HIP1: variants seen among roughly 807,000 people sequenced by gnomAD.
The protein encoded by HIP1 is huntingtin interacting protein 1.
A neutral mutation model predicts 147.6 loss-of-function variants in HIP1; 65 were observed. The ratio of observed to expected loss-of-function variants is 0.44; its 90% CI spans 0.36 to 0.54. HIP1 has a LOEUF of 0.54. Ranked by LOEUF, HIP1 falls within the 20% of genes least tolerant of loss-of-function variation. The pLI, the probability that HIP1 is intolerant of heterozygous loss-of-function variation, is 0.00. For missense variants in HIP1, 1,061 were observed against 1,299.6 expected (o/e 0.82, Z 2.82); for synonymous variants, 479 against 504.0 (o/e 0.95, Z 0.67).
chr7:75,712,114 C>A (rs1162738127), intron 1 of HIP1, among the ~76,000 whole-genome samples: 1 of 152,186 alleles, frequency 6.6e-6, no homozygotes, highest in African/African-American at 2.4e-5. Flanking sequence ...AACATTGACA[C>A]CTCACCGTCG....
At chr7:75,573,598 G>C (rs1379030116) in intron 8 of HIP1, among the ~76,000 whole-genome samples, 163 bp downstream of exon 8, 2 of 152,202 alleles carry the variant, frequency 1.3e-5, no homozygotes, top group East Asian at 1.9e-4. Context: ...CCTGGGCCCT[G>C]CTCTTTTATC....
intron 1 of HIP1, among the ~76,000 whole-genome samples, chr7:75,697,640 C>A (rs1261673023): frequency 1.3e-5 from 2 of 151,994 alleles, no homozygotes; most frequent in African/African-American, 4.8e-5. Flanking sequence ...TAGTAAAACC[C>A]ATCTCTACTA....
chr7:75,584,791 T>G (rs1168285075), intron 5 of HIP1, among the ~76,000 whole-genome samples: 1 of 152,038 alleles, frequency 6.6e-6, no homozygotes, highest in Non-Finnish European at 1.5e-5. Flanking sequence ...CCTCCTTTCT[T>G]TCCTTTTCCA....
At chr7:75,583,477 G>T (rs1451633215) in intron 5 of HIP1, among the ~76,000 whole-genome samples, 2 of 152,104 alleles carry the variant, frequency 1.3e-5, no homozygotes, top group Non-Finnish European at 2.9e-5. Context: ...AGTTCTCGAG[G>T]CCAGGGAGTT....
At chr7:75,586,411 A>T (rs1402797302) in intron 5 of HIP1, among the ~76,000 whole-genome samples, 2 of 152,100 alleles carry the variant, frequency 1.3e-5, no homozygotes, top group Admixed American at 1.3e-4. Context: ...CATGTTGTCC[A>T]GGCCAGTCTT....
intron 1 of HIP1, among the ~76,000 whole-genome samples, chr7:75,628,556 C>G (rs1331744284): frequency 6.7e-6 from 1 of 150,142 alleles, no homozygotes; most frequent in African/African-American, 2.5e-5. Flanking sequence ...TCGGCTCACT[C>G]CAACCTCTGC....
At chr7:75,585,110 A>C (rs1796204607) in intron 5 of HIP1, among the ~76,000 whole-genome samples, 1 of 150,586 alleles carries the variant, frequency 6.6e-6, no homozygotes, top group African/African-American at 2.4e-5. Flanking sequence ...TTGGCCTTCC[A>C]TTGTGTGGAG....
At chr7:75,597,126 A>G (rs1796776627) in intron 2 of HIP1, among the ~76,000 whole-genome samples, 1 of 152,162 alleles carries the variant, frequency 6.6e-6, no homozygotes, top group African/African-American at 2.4e-5. Flanking sequence ...GGAAAAAAAG[A>G]GCAAGATCTA....
chr7:75,669,405 A>T (rs1799669633), intron 1 of HIP1, among the ~76,000 whole-genome samples: 1 of 151,316 alleles, frequency 6.6e-6, no homozygotes, highest in Non-Finnish European at 1.5e-5. Flanking sequence ...CAAAAAAACA[A>T]CAAAAAAATT....
intron 7 of HIP1, among the ~76,000 whole-genome samples, chr7:75,574,885 T>C (rs1457917371): frequency 1.3e-5 from 2 of 152,042 alleles, no homozygotes; most frequent in African/African-American, 4.8e-5. Context: ...CTCAGCCAGG[T>C]GCAGTGGCTC....
intron 1 of HIP1, among the ~76,000 whole-genome samples, chr7:75,621,897 G>C (rs1797857702): frequency 6.6e-6 from 1 of 152,158 alleles, no homozygotes; most frequent in South Asian, 2.1e-4. Context: ...TGGGAGAGTT[G>C]GTTTGGGGCT....
chr7:75,570,538 A>G (rs1436310740), intron 8 of HIP1, among the ~76,000 whole-genome samples: 39 of 132,652 alleles, frequency 2.9e-4, no homozygotes, highest in Middle Eastern at 0.011. Context: ...TGATCCGCCC[A>G]CCTCGGCCTC....
At chr7:75,602,953 G>C (rs1797063028) in intron 1 of HIP1, among the ~76,000 whole-genome samples, 1 of 151,932 alleles carries the variant, frequency 6.6e-6, no homozygotes, top group Non-Finnish European at 1.5e-5. Flanking sequence ...GGGATCCAGA[G>C]ACACACAGGG....
At chr7:75,578,003 A>AAAAC (rs1370514845) in intron 7 of HIP1, among the ~76,000 whole-genome samples, 3 of 152,174 alleles carry the variant, frequency 2.0e-5, no homozygotes, top group African/African-American at 7.2e-5. Flanking sequence ...CTCTCAAAAC[A>AAAAC]AAACAAACAA....
At chr7:75,539,232 TC>T in intron 30 of HIP1, 90 bp downstream of exon 30, 1 of 865,168 alleles carries the variant, frequency 1.2e-6, no homozygotes, top group Non-Finnish European at 1.9e-6. Context: ...TCTGGTGGGT[TC>T]CTTGTTCTGT....
At chr7:75,648,570 G>A (rs1401751489) in intron 1 of HIP1, among the ~76,000 whole-genome samples, 3 of 152,118 alleles carry the variant, frequency 2.0e-5, no homozygotes, top group South Asian at 2.1e-4. Context: ...TTTCAAGCAC[G>A]GCTGAGCCAT....
intron 1 of HIP1, among the ~76,000 whole-genome samples, chr7:75,664,195 C>T (rs1799454577): frequency 9.7e-6 from 1 of 103,200 alleles, no homozygotes; most frequent in Non-Finnish European, 2.0e-5. Context: ...CATATATACA[C>T]ACATATACAT....
chr7:75,676,502 C>T lies in HIP1; in HGVS notation c.120+62299G>A, dbSNP rs573922802. Among the ~76,000 whole-genome samples, 290 of 151,800 alleles carry T rather than the reference C, an allele frequency of 1.9e-3. 2 individuals carry two copies. The highest frequency in any genetic ancestry group is 3.7e-3 in the African/African-American group (154 of 41,356). On this transcript the variant is annotated intron_variant, in intron 1 of 30. Transcript: ENST00000336926. ...CTTATAGAAGCCCCCTATGGCCTGG[C>T]GCGGTGGCTCATGCCTGTAATCCCA...
At chr7:75,694,405 T>A (rs1174293296) in intron 1 of HIP1, among the ~76,000 whole-genome samples, 1 of 152,130 alleles carries the variant, frequency 6.6e-6, no homozygotes, top group Non-Finnish European at 1.5e-5. Flanking sequence ...CTTCATTTCC[T>A]TACCTCTATT....
Sources: allele counts gnomAD v4.1 joint callset (sites outside exome capture counted in the v4.1 genomes callset), GRCh38; gene constraint gnomAD v4.1.1; transcripts MANE v1.5; gene names NCBI Gene and HGNC (gene_info 2026-07-23, HGNC 2026-07-21).